Variants in PLCL1 observed in about 807,000 individuals in gnomAD.
PLCL1 encodes phospholipase C like 1 (inactive).
A neutral mutation model predicts 84.4 loss-of-function variants in PLCL1; 41 were observed. The observed-to-expected ratio is 0.49, with a 90% CI of 0.38 to 0.63. The LOEUF (loss-of-function observed/expected upper bound fraction) is 0.63. Ranked by LOEUF, PLCL1 falls within the 30% of genes least tolerant of loss-of-function variation. The pLI, the probability that PLCL1 is intolerant of heterozygous loss-of-function variation, is 0.00. For synonymous variants in PLCL1, 490 were observed against 488.3 expected, an observed-to-expected ratio of 1.00 and a Z score of -0.05; for missense variants, 1,206 against 1,367.8, an observed-to-expected ratio of 0.88 and a Z score of 1.87.
At chr2:198,105,254 A>G (rs923148004) in intron 5 of PLCL1, among the ~76,000 whole-genome samples, 1 of 151,986 alleles carries the variant, frequency 6.6e-6, no homozygotes, top group Non-Finnish European at 1.5e-5. Context: ...TTATTCCAGC[A>G]CCACTTATTG....
intron 5 of PLCL1, among the ~76,000 whole-genome samples, chr2:198,123,461 A>G (rs1693918290): frequency 6.6e-6 from 1 of 152,022 alleles, no homozygotes; most frequent in East Asian, 1.9e-4. Context: ...GGATAATCCA[A>G]TATGATGGGT....
At chr2:197,899,626 G>C in intron 1 of PLCL1, among the ~76,000 whole-genome samples, 1 of 144,664 alleles carries the variant, frequency 6.9e-6, no homozygotes, top group African/African-American at 2.6e-5. Context: ...CTTGGCACAT[G>C]AGTTCTTTCT....
intron 1 of PLCL1, among the ~76,000 whole-genome samples, chr2:197,874,171 T>C (rs1181074442): frequency 6.6e-6 from 1 of 152,174 alleles, no homozygotes; most frequent in East Asian, 1.9e-4. Flanking sequence ...CACATTTCCA[T>C]AGTAAATATG....
chr2:197,923,395 C>T (rs80028638), intron 1 of PLCL1, among the ~76,000 whole-genome samples: 28,249 of 145,356 alleles, frequency 0.19, 2,931 homozygotes, highest in East Asian at 0.28. Context: ...CTCCTCACTT[C>T]TCAGACGGGG....
rs191631224 is a variant in PLCL1, at chr2:198,046,095, C to T, written c.241-37663C>T. 4.5e-3 allele frequency among the ~76,000 whole-genome samples: 681 copies of T among 152,196 alleles called. 5 individuals carry two copies. The highest frequency in any genetic ancestry group is 0.016 in the African/African-American group (652 of 41,536). On this transcript the variant is annotated intron_variant, in intron 1 of 5. Coordinates refer to ENST00000428675, the MANE Select transcript of PLCL1 (RefSeq NM_006226.4). ...TAGCCTGCAGGCCTAGTCCAGTTTG[C>T]CATCTGTTTTTGTAAATAAAGTTTT...
chr2:197,807,892 T>C (rs1690514375), intron 1 of PLCL1, among the ~76,000 whole-genome samples: 1 of 152,214 alleles, frequency 6.6e-6, no homozygotes, highest in Non-Finnish European at 1.5e-5. Context: ...AATAGTGCTA[T>C]CCTGACAGAA....
At chr2:197,903,051 CATCAGTGAGCCAACAG>C (rs1308980368) in intron 1 of PLCL1, among the ~76,000 whole-genome samples, 1 of 152,102 alleles carries the variant, frequency 6.6e-6, no homozygotes, top group Non-Finnish European at 1.5e-5. Flanking sequence ...AATTTTGGTC[CATCAGTGAGCCAACAG>C]GTGTTAGCGT....
chr2:197,915,517 A>C (rs1574946644), intron 1 of PLCL1, among the ~76,000 whole-genome samples: 1 of 152,096 alleles, frequency 6.6e-6, no homozygotes, highest in East Asian at 1.9e-4. Context: ...ACTCTTCAGA[A>C]GGAGATTTTT....
chr2:198,132,172 T>A (rs1347433817), intron 5 of PLCL1, among the ~76,000 whole-genome samples: 4 of 152,212 alleles, frequency 2.6e-5, no homozygotes, highest in Admixed American at 2.6e-4. Context: ...CCAATTGGTT[T>A]GTCTAATTGC....
At chr2:197,807,460 G>C (rs1050154736) in intron 1 of PLCL1, among the ~76,000 whole-genome samples, 1 of 35,696 alleles carries the variant, frequency 2.8e-5, no homozygotes, top group Non-Finnish European at 5.4e-5. Flanking sequence ...TCTGTTCCCA[G>C]AGGCCTTAAC....
intron 1 of PLCL1, among the ~76,000 whole-genome samples, chr2:197,846,055 T>C (rs1380551730): frequency 6.6e-6 from 1 of 152,062 alleles, no homozygotes; most frequent in Non-Finnish European, 1.5e-5. Flanking sequence ...CAGTCTACTC[T>C]GAGAGGAAGA....
At chr2:197,880,621 T>G (rs1264030698) in intron 1 of PLCL1, among the ~76,000 whole-genome samples, 1 of 152,170 alleles carries the variant, frequency 6.6e-6, no homozygotes, top group Non-Finnish European at 1.5e-5. Flanking sequence ...AGAAGATGCT[T>G]CGTTAGGATT....
chr2:197,902,640 G>T (rs1212133851), intron 1 of PLCL1, among the ~76,000 whole-genome samples: 1 of 152,206 alleles, frequency 6.6e-6, no homozygotes, highest in Non-Finnish European at 1.5e-5. Context: ...TGAAGAACAG[G>T]ATGAACTTAC....
rs1205281171 is a variant in PLCL1 at position 197,971,247 on chromosome 2, G to A, written c.241-112511G>A. On this transcript the variant is annotated intron_variant, in intron 1 of 5. Transcript: ENST00000428675. ...GAAACAGAAAAAGAGAAATGGAGCT[G>A]CCATGAAGTCCTTCTGCAGCATCAG... Among the ~76,000 whole-genome samples the A allele has an allele frequency of 2.6e-5, 4 of 152,346 alleles. No individual in the cohort carries two copies. The East Asian group carries it at 5.8e-4, about 22-fold the overall frequency.
At chr2:197,920,739 A>G (rs1458609344) in intron 1 of PLCL1, among the ~76,000 whole-genome samples, 2 of 152,230 alleles carry the variant, frequency 1.3e-5, no homozygotes, top group Non-Finnish European at 2.9e-5. Context: ...ATGACTTGGC[A>G]TATTTTCTAT....
At chr2:198,098,566 G>A (rs1450361613) in intron 3 of PLCL1, among the ~76,000 whole-genome samples, 1 of 152,032 alleles carries the variant, frequency 6.6e-6, no homozygotes. Context: ...TTTAGCTCAG[G>A]GTTTTCAACT....
At chr2:197,920,847 T>C (rs1456175484) in intron 1 of PLCL1, among the ~76,000 whole-genome samples, 1 of 152,220 alleles carries the variant, frequency 6.6e-6, no homozygotes, top group East Asian at 1.9e-4. Flanking sequence ...CTTTCGTATT[T>C]TGATTTATGA....
intron 1 of PLCL1, among the ~76,000 whole-genome samples, chr2:197,923,984 C>T (rs970880679): frequency 5.3e-5 from 8 of 151,820 alleles, no homozygotes; most frequent in African/African-American, 1.2e-4. Flanking sequence ...AGCGAAACCC[C>T]GTCTCCACCA....
chr2:198,122,016 A>G (rs1693879207), intron 5 of PLCL1, among the ~76,000 whole-genome samples: 1 of 152,072 alleles, frequency 6.6e-6, no homozygotes, highest in Non-Finnish European at 1.5e-5. Flanking sequence ...GTGTACAGGC[A>G]TCCATATACA....
Sources: allele counts gnomAD v4.1 joint callset (sites outside exome capture counted in the v4.1 genomes callset), GRCh38; gene constraint gnomAD v4.1.1; transcripts MANE v1.5; gene names NCBI Gene and HGNC (gene_info 2026-07-23, HGNC 2026-07-21).